The following CUL3 variants were observed in gnomAD, a reference collection of about 807,000 sequenced individuals.
CUL3 encodes the protein cullin-3.
In CUL3, 19 loss-of-function variants were observed where a neutral mutation model predicts 89.1. That is an observed-to-expected ratio of 0.21 (90% CI 0.15 to 0.31). The LOEUF (loss-of-function observed/expected upper bound fraction) is 0.31, where lower values mean the gene tolerates loss of function less well. CUL3 is among the 10% of genes least tolerant of loss of function. The probability of loss-of-function intolerance (pLI) is 1.00; values close to 1 mark genes in which losing one functional copy is unlikely to be tolerated. For missense variants in CUL3, 469 were observed against 942.3 expected (o/e 0.50, Z 6.58); for synonymous variants, 351 against 308.4 (o/e 1.14, Z -1.45).
At chr2:224,480,654 T>A (rs949020817) in intron 14 of CUL3, among the ~76,000 whole-genome samples, 4 of 152,156 alleles carry the variant, frequency 2.6e-5, no homozygotes, top group African/African-American at 9.7e-5. Flanking sequence ...ACAAAGACAG[T>A]TACTTATTTA....
Position 224,503,766 on chromosome 2 carries a change from A to C in CUL3, c.1263T>G (p.Phe421Leu), listed in dbSNP as rs749893181. The change falls in exon 9 of 16, where the codon TTT (phenylalanine) becomes TTG (leucine). Residue 421 changes from phenylalanine to leucine, a missense_variant. Around this residue, in one of 4 missense-constraint regions of CUL3, gnomAD observed 370 missense variants for 733.2 expected, o/e 0.50. Transcript: ENST00000264414. ...ILDKAMVLFRFMQEKDVFERY... is the reference protein window; with the variant it reads ...ILDKAMVLFRLMQEKDVFERY... ...GTTCAAATACATCTTTTTCTTGCAT[A>C]AACCTAAAAAGGACCATTGCTTTAT... The C allele has an allele frequency of 6.2e-7, 1 of 1,606,200 alleles. No homozygotes were observed. Among genetic ancestry groups the C allele is most frequent in the Non-Finnish European group, 8.5e-7 (1 of 1,177,560 alleles).
chr2:224,478,283 C>T lies in CUL3; in HGVS notation c.2092G>A (p.Asp698Asn), dbSNP rs371342121. ...GCAGCTTCTATCTCATGTTTTCTGT[C>T]GTCGTCTACTTTCTGCCTTGTTTCT... ...RKETRQKVDD[D>N]RKHEIEAAIV... The change falls in exon 15 of 16, where the codon GAC (aspartate) becomes AAC (asparagine). Residue 698 changes from aspartate to asparagine, a missense_variant. Asp to Asn is a conservative substitution (Grantham distance 23). Transcript: ENST00000264414. 6.8e-6 allele frequency: 11 copies of T among 1,613,624 alleles called. No homozygotes were observed. The highest frequency in any genetic ancestry group is 1.3e-5 in the African/African-American group (1 of 74,918).
chr2:224,583,306 A>G (rs1465572362), intron 1 of CUL3, among the ~76,000 whole-genome samples: 2 of 152,200 alleles, frequency 1.3e-5, no homozygotes, highest in African/African-American at 4.8e-5. Flanking sequence ...GGTTGCGGTT[A>G]GCTGAGATCA....
At position 224,485,029 on chromosome 2, in the gene CUL3, G is replaced by C. The variant is rs1452211878; in HGVS notation, c.1843-2951C>G. ...GTCACCTCACCTGGGAAGCACAAGG[G>C]GTCAGGGAACTCCCTCCCCTAGCCA... On this transcript the variant is annotated intron_variant, in intron 13 of 15. Coordinates refer to ENST00000264414, the MANE Select transcript of CUL3 (RefSeq NM_003590.5). This position sits in a 1 kb window ranked among gnomAD's most constrained non-coding sequence, Gnocchi z 4.1. Among the ~76,000 whole-genome samples the C allele has an allele frequency of 6.6e-6, 1 of 152,112 alleles. No individual in the cohort carries two copies. Among genetic ancestry groups the C allele is most frequent in the Non-Finnish European group, 1.5e-5 (1 of 68,020 alleles).
At chr2:224,498,644 C>T (rs1463264661) in intron 11 of CUL3, among the ~76,000 whole-genome samples, 1 of 152,080 alleles carries the variant, frequency 6.6e-6, no homozygotes, top group Non-Finnish European at 1.5e-5. Context: ...CTTGCAACAG[C>T]GTGTTATCTG....
intron 1 of CUL3, among the ~76,000 whole-genome samples, chr2:224,574,335 A>T (rs1319870659): frequency 6.6e-6 from 1 of 152,234 alleles, no homozygotes; most frequent in African/African-American, 2.4e-5. Flanking sequence ...ATTTAAAAAA[A>T]AGAATGCTGT....
At chr2:224,553,949 C>CA (rs1349356525) in intron 2 of CUL3, among the ~76,000 whole-genome samples, 21 of 152,200 alleles carry the variant, frequency 1.4e-4, no homozygotes, top group African/African-American at 4.1e-4. Flanking sequence ...TACTGAAACT[C>CA]AGAGTTCTCA....
intron 3 of CUL3, among the ~76,000 whole-genome samples, chr2:224,525,072 C>A (rs7571953): frequency 4.2e-5 from 6 of 144,538 alleles, no homozygotes; most frequent in African/African-American, 5.1e-5. Context: ...AAAAAAAAAA[C>A]AGGACAGTAA....
At chr2:224,521,387 A>G (rs1693254526) in intron 3 of CUL3, among the ~76,000 whole-genome samples, 1 of 151,944 alleles carries the variant, frequency 6.6e-6, no homozygotes, top group African/African-American at 2.4e-5. Flanking sequence ...AGTTTAAGGG[A>G]GCTTTTAATA....
intron 1 of CUL3, among the ~76,000 whole-genome samples, chr2:224,571,528 GCT>G (rs879927860): frequency 2.6e-5 from 4 of 152,266 alleles, no homozygotes; most frequent in South Asian, 2.1e-4. Flanking sequence ...GCCATAGTTT[GCT>G]CTGTCTTTGA....
At chr2:224,535,704 G>A in intron 2 of CUL3, 63 bp from the exon 3 acceptor site, 1 of 907,636 alleles carries the variant, frequency 1.1e-6, no homozygotes, top group Admixed American at 1.9e-5. Context: ...ATACAGGCAT[G>A]CACATATCTG....
chr2:224,574,329 A>T (rs568741996), intron 1 of CUL3, among the ~76,000 whole-genome samples: 34 of 152,196 alleles, frequency 2.2e-4, no homozygotes, highest in East Asian at 1.2e-3. Context: ...AACTGAATTT[A>T]AAAAAAAGAA....
At chr2:224,523,273 C>T (rs1420315320) in intron 3 of CUL3, among the ~76,000 whole-genome samples, 1 of 151,984 alleles carries the variant, frequency 6.6e-6, no homozygotes, top group Non-Finnish European at 1.5e-5. Flanking sequence ...AATGTTATTC[C>T]ACCTTTAGTA....
chr2:224,583,273 A>C (rs996709785), intron 1 of CUL3, among the ~76,000 whole-genome samples: 3 of 152,106 alleles, frequency 2.0e-5, no homozygotes, highest in Non-Finnish European at 4.4e-5. Context: ...GCTACTCAGG[A>C]GGCTTTTAAC....
rs556561954 is a variant in CUL3, at chr2:224,480,469, T to C, written c.2029+1423A>G. ...AAAGAACTTTTAAGCTCTAGTGAAA[T>C]TCATCATATATATATTTCTGTTTTG... On this transcript the variant is annotated intron_variant, in intron 14 of 15. Transcript: ENST00000264414. Among the ~76,000 whole-genome samples the C allele has an allele frequency of 4.6e-5, 7 of 152,268 alleles. No homozygotes were observed. The South Asian group carries it at 1.2e-3, about 27-fold the overall frequency.
At chr2:224,507,028 G>C (rs1348893005) in intron 6 of CUL3, 25 bp from the exon 7 acceptor site, 1 of 1,600,142 alleles carries the variant, frequency 6.2e-7, no homozygotes, top group Non-Finnish European at 8.5e-7. Flanking sequence ...ACACAAATTG[G>C]CTACATTAAA....
chr2:224,505,126 T>C (rs964859966), intron 8 of CUL3, among the ~76,000 whole-genome samples: 1 of 150,274 alleles, frequency 6.7e-6, no homozygotes, highest in African/African-American at 2.4e-5. Flanking sequence ...ACTACAGCTG[T>C]GTAGTTGTTC....
chr2:224,569,977 A>C (rs978548050), intron 1 of CUL3, among the ~76,000 whole-genome samples: 26 of 148,932 alleles, frequency 1.7e-4, no homozygotes, highest in South Asian at 2.1e-4. Context: ...AAAAAAAAAA[A>C]AGCTTTGGTA....
intron 4 of CUL3, among the ~76,000 whole-genome samples, 159 bp from the exon 5 acceptor site, chr2:224,513,797 C>T (rs1187966540): frequency 6.6e-6 from 1 of 152,100 alleles, no homozygotes; most frequent in Non-Finnish European, 1.5e-5. Context: ...AAGGATTTAG[C>T]CTAATTTTAA....
Sources: gnomAD v4.1 joint callset for allele counts (sites outside exome capture counted in the v4.1 genomes callset) on GRCh38, gnomAD v4.1.1 for gene constraint, gnomAD v4.1.1 regional missense constraint, Gnocchi (gnomAD v3.1) non-coding constraint, MANE v1.5 for transcripts, NCBI Gene and HGNC (gene_info 2026-07-23, HGNC 2026-07-21) for gene names.